The following PLBD1 variants were observed in gnomAD, a reference collection of about 807,000 sequenced individuals.
The protein encoded by PLBD1 is phospholipase B domain containing 1.
Under a neutral mutation model 63.0 loss-of-function variants are expected in PLBD1, and 60 were observed. The observed-to-expected ratio is 0.95, with a 90% confidence interval of 0.77 to 1.18. PLBD1 has a LOEUF of 1.18. Ranked by LOEUF, PLBD1 falls within the 50% of genes most tolerant of loss-of-function variation. The pLI is 0.00. For synonymous variants in PLBD1, 262 were observed against 248.0 expected (o/e 1.06, Z -0.53); for missense variants, 598 against 677.9 (o/e 0.88, Z 1.31).
intron 2 of PLBD1, among the ~76,000 whole-genome samples, chr12:14,547,180 T>TTGTGTGTG (rs56182227): frequency 0.04 from 5,494 of 138,122 alleles, 154 homozygotes; most frequent in East Asian, 0.12. Flanking sequence ...GCACCTGGCT[T>TTGTGTGTG]TGTGTGTGTG....
intron 6 of PLBD1, among the ~76,000 whole-genome samples, chr12:14,535,222 T>G (rs796306988): frequency 3.9e-5 from 6 of 152,332 alleles, no homozygotes; most frequent in African/African-American, 1.2e-4. Flanking sequence ...ATTTGGCAAT[T>G]TATTAAGTAC....
Position 14,566,623 on chromosome 12 carries a change from C to T in PLBD1, c.115+959G>A, listed in dbSNP as rs80317849. Among the ~76,000 whole-genome samples, 418 of 152,030 alleles carry T rather than the reference C, an allele frequency of 2.7e-3. 3 individuals carry two copies. The highest frequency in any genetic ancestry group is 4.3e-3 in the Non-Finnish European group (289 of 67,978). On this transcript the variant is annotated intron_variant, in intron 1 of 10. Coordinates refer to ENST00000240617, the MANE Select transcript of PLBD1 (RefSeq NM_024829.6). ...CAAAGGATGTAGATTTGCATGAATA[C>T]CTGTAGAGATAAAACCTGTTTTTCC...
intron 2 of PLBD1, among the ~76,000 whole-genome samples, chr12:14,549,136 C>T (rs1317163274): frequency 6.6e-6 from 1 of 152,144 alleles, no homozygotes; most frequent in African/African-American, 2.4e-5. Flanking sequence ...GGAAATATAC[C>T]TCATACTTAG....
chr12:14,567,628 C>T lies in PLBD1; in HGVS notation c.69G>A (p.Leu23=), dbSNP rs1945804673. The T allele has an allele frequency of 6.7e-7, 1 of 1,492,868 alleles. No homozygotes were observed. Among genetic ancestry groups the T allele is most frequent in the Non-Finnish European group, 8.9e-7 (1 of 1,127,910 alleles). 92.5% of individuals were successfully genotyped at this position (1,492,868 alleles called of 1,614,324 possible). ...PQPPPLLLLL[L]LLPLLLVTAE... Reference sequence around the variant, plus strand: ...CGGTGACTAACAACAGCGGCAGCAGCAGCAGCAGCAGCAGAAGCGGTGGCG... The same window carrying T: ...CGGTGACTAACAACAGCGGCAGCAGTAGCAGCAGCAGCAGAAGCGGTGGCG... Residue 23 remains leucine, a synonymous_variant, in exon 1 of 11, where the codon CTG becomes CTA. Coordinates refer to ENST00000240617, the MANE Select transcript of PLBD1 (RefSeq NM_024829.6).
chr12:14,535,939 G>C (rs1945510527), intron 5 of PLBD1, 136 bp from the exon 6 acceptor site: 1 of 850,758 alleles, frequency 1.2e-6, no homozygotes. Flanking sequence ...GGAAAATATG[G>C]CCAAGGAGTC....
chr12:14,564,208 A>G (rs1181559172), intron 1 of PLBD1, among the ~76,000 whole-genome samples: 1 of 152,210 alleles, frequency 6.6e-6, no homozygotes, highest in Non-Finnish European at 1.5e-5. Context: ...CCTATCTCCA[A>G]ATAAATGAAT....
At position 14,540,750 on chromosome 12, in the gene PLBD1, GT is replaced by G. The variant is rs766257693; in HGVS notation, c.558+13del. ...ATACTCTATAAATTCTGAGAAGCTT[GT>G]TTAAAGTCCTACCTTTGTCCCTTCT... On this transcript the variant is annotated intron_variant, in intron 4 of 10. Transcript: ENST00000240617. 4 of 1,550,466 alleles carry G rather than the reference GT, an allele frequency of 2.6e-6. No individual in the cohort carries two copies. In the South Asian group the frequency reaches 4.9e-5, roughly 19 times the overall value.
At chr12:14,542,843 C>G (rs1013840666) in intron 2 of PLBD1, among the ~76,000 whole-genome samples, 1 of 151,794 alleles carries the variant, frequency 6.6e-6, no homozygotes, top group Non-Finnish European at 1.5e-5. Flanking sequence ...GTCAGGAGAT[C>G]GAGACCATCC....
chr12:14,534,667 C>G (rs1254860480), intron 6 of PLBD1, among the ~76,000 whole-genome samples: 1 of 152,050 alleles, frequency 6.6e-6, no homozygotes, highest in Non-Finnish European at 1.5e-5. Context: ...CCTCAGCCTC[C>G]AGAGTAGCTG....
chr12:14,503,827 A>G lies in PLBD1; in HGVS notation c.1607T>C (p.Val536Ala). ...NKTLHQGMPE[V>A]YNFDFITMKP... ...CATGGTAATAAAATCAAAGTTGTAG[A>G]CCTCTGGCATGCCCTGATGTAGAGT... Residue 536 changes from valine to alanine, a missense_variant, in exon 11 of 11, where the codon GTC (valine) becomes GCC (alanine). Val to Ala is a moderately conservative substitution (Grantham distance 64). Transcript: ENST00000240617. 6.2e-7 allele frequency: 1 copy of G among 1,613,916 alleles called. No homozygotes were observed. The highest frequency in any genetic ancestry group is 8.5e-7 in the Non-Finnish European group (1 of 1,179,874).
At chr12:14,534,007 G>C (rs553039496) in intron 6 of PLBD1, among the ~76,000 whole-genome samples, 1 of 152,248 alleles carries the variant, frequency 6.6e-6, no homozygotes, top group Non-Finnish European at 1.5e-5. Context: ...AATTAGTCAG[G>C]CATGGTGATG....
intron 2 of PLBD1, among the ~76,000 whole-genome samples, chr12:14,544,921 A>G: frequency 6.6e-6 from 1 of 152,106 alleles, no homozygotes; most frequent in East Asian, 1.9e-4. Flanking sequence ...TCTGGAGTAT[A>G]TTCATATTGT....
chr12:14,541,843 C>T (rs1009653572), intron 3 of PLBD1, among the ~76,000 whole-genome samples: 1 of 152,088 alleles, frequency 6.6e-6, no homozygotes, highest in Admixed American at 6.5e-5. Context: ...TAAGCAGGCT[C>T]ATGAAAAGGA....
At chr12:14,506,850 A>C in intron 9 of PLBD1, 83 bp downstream of exon 9, 2 of 1,233,890 alleles carry the variant, frequency 1.6e-6, no homozygotes, top group Non-Finnish European at 2.3e-6. Flanking sequence ...TCTAGTACAG[A>C]GATGATAAAC....
chr12:14,541,289 A>G (rs1349778278), intron 3 of PLBD1, among the ~76,000 whole-genome samples: 2 of 152,218 alleles, frequency 1.3e-5, no homozygotes, highest in Non-Finnish European at 2.9e-5. Context: ...AGAAGTAGTA[A>G]AGTTAAACAA....
intron 6 of PLBD1, among the ~76,000 whole-genome samples, chr12:14,535,075 T>C (rs896536196): frequency 6.6e-6 from 1 of 152,236 alleles, no homozygotes; most frequent in African/African-American, 2.4e-5. Context: ...CTCCTTGGAA[T>C]GGACAACACT....
intron 1 of PLBD1, among the ~76,000 whole-genome samples, chr12:14,561,339 C>T (rs1945741046): frequency 6.6e-6 from 1 of 151,918 alleles, no homozygotes; most frequent in Non-Finnish European, 1.5e-5. Context: ...TGCCAAAAGC[C>T]CTATCAGCTG....
chr12:14,560,010 G>A (rs4417355), intron 1 of PLBD1, among the ~76,000 whole-genome samples: 93,113 of 151,802 alleles, frequency 0.61, 29,748 homozygotes, highest in East Asian at 0.8. Flanking sequence ...ACAGGCATGC[G>A]CCGCCACGCC....
At chr12:14,562,645 G>C (rs1020267896) in intron 1 of PLBD1, among the ~76,000 whole-genome samples, 2 of 151,980 alleles carry the variant, frequency 1.3e-5, no homozygotes, top group Non-Finnish European at 2.9e-5. Flanking sequence ...ACATTTTCTA[G>C]TCACATTTTC....
Sources: allele counts gnomAD v4.1 joint callset (sites outside exome capture counted in the v4.1 genomes callset), GRCh38; gene constraint gnomAD v4.1.1; transcripts MANE v1.5; gene names NCBI Gene and HGNC (gene_info 2026-07-23, HGNC 2026-07-21).